The following TRPM3 variants were observed in gnomAD, a reference collection of about 807,000 sequenced individuals.
The protein encoded by TRPM3 is transient receptor potential cation channel subfamily M member 3, also known as long transient receptor potential channel 3.
A neutral mutation model predicts 181.2 loss-of-function variants in TRPM3; 77 were observed. The observed-to-expected ratio is 0.42, with a 90% CI of 0.35 to 0.51. The LOEUF is 0.51. Among genes scored for constraint, TRPM3 ranks in the 20% least tolerant of loss-of-function variants. The probability of loss-of-function intolerance (pLI) is 0.01; values close to 1 mark genes in which losing one functional copy is unlikely to be tolerated. For missense variants in TRPM3, 1,759 were observed against 2,196.7 expected (o/e 0.80, Z 3.98); for synonymous variants, 745 against 796.4 (o/e 0.94, Z 1.09).
chr9:71,017,089 T>G (rs1468392043), intron 1 of TRPM3, among the ~76,000 whole-genome samples: 1 of 152,126 alleles, frequency 6.6e-6, no homozygotes, highest in African/African-American at 2.4e-5. Flanking sequence ...TATTTTCACA[T>G]TTACTGCACA....
upstream of TRPM3, among the ~76,000 whole-genome samples, chr9:71,125,108 C>T (rs1380109791): frequency 6.6e-6 from 1 of 152,146 alleles, no homozygotes; most frequent in African/African-American, 2.4e-5. Context: ...CTTTCGTTTG[C>T]TTCAGTGTTT....
At chr9:71,253,670 C>T (rs984520330) in intron 1 of TRPM3, among the ~76,000 whole-genome samples, 1 of 152,040 alleles carries the variant, frequency 6.6e-6, no homozygotes, top group African/African-American at 2.4e-5. Context: ...AAAAATAGAA[C>T]TACCATATGA....
intron 22 of TRPM3, among the ~76,000 whole-genome samples, chr9:70,580,025 C>T (rs896086287): frequency 2.7e-4 from 41 of 152,134 alleles, no homozygotes; most frequent in African/African-American, 8.9e-4. Flanking sequence ...TTGAGAGGAG[C>T]GATTCACATA....
intron 1 of TRPM3, among the ~76,000 whole-genome samples, chr9:71,145,967 C>T (rs2075381352): frequency 6.6e-6 from 1 of 151,962 alleles, no homozygotes; most frequent in Admixed American, 6.6e-5. Context: ...CTAATAGCAT[C>T]GTTCTTTATG....
chr9:71,360,302 C>T (rs1309205699), intron 1 of TRPM3, among the ~76,000 whole-genome samples: 2 of 152,112 alleles, frequency 1.3e-5, no homozygotes, highest in Non-Finnish European at 2.9e-5. Flanking sequence ...CGAGTCTCTA[C>T]CATTTTGGTA....
intron 1 of TRPM3, among the ~76,000 whole-genome samples, chr9:71,050,993 C>T (rs1218242113): frequency 6.6e-6 from 1 of 152,184 alleles, no homozygotes; most frequent in African/African-American, 2.4e-5. Context: ...TCCTTCATCC[C>T]TAAACTTTAG....
chr9:70,939,300 G>A (rs1396520683), intron 1 of TRPM3, among the ~76,000 whole-genome samples: 8 of 152,204 alleles, frequency 5.3e-5, no homozygotes, highest in Admixed American at 5.2e-4. Context: ...GTGAGCAAGA[G>A]GTTCTACCCA....
At chr9:70,610,315 A>G (rs2061816576) in intron 19 of TRPM3, among the ~76,000 whole-genome samples, 1 of 152,224 alleles carries the variant, frequency 6.6e-6, no homozygotes, top group Non-Finnish European at 1.5e-5. Context: ...AGTATTTCGG[A>G]AAAGAACATC....
chr9:71,157,749 A>G (rs1414131692), intron 1 of TRPM3, among the ~76,000 whole-genome samples: 1 of 152,148 alleles, frequency 6.6e-6, no homozygotes, highest in Non-Finnish European at 1.5e-5. Flanking sequence ...TTAACTGACA[A>G]TATTTGACTA....
intron 9 of TRPM3, among the ~76,000 whole-genome samples, chr9:70,643,066 T>C (rs1391726430): frequency 6.6e-6 from 1 of 152,180 alleles, no homozygotes; most frequent in African/African-American, 2.4e-5. Context: ...TTATTAGTGT[T>C]TACAATGATG....
intron 1 of TRPM3, among the ~76,000 whole-genome samples, chr9:71,432,040 C>T (rs1488149981): frequency 6.6e-6 from 1 of 152,208 alleles, no homozygotes; most frequent in African/African-American, 2.4e-5. Context: ...CCCGATTATA[C>T]TCTATGTACA....
At chr9:70,753,665 AG>A (rs1358118937) in intron 8 of TRPM3, among the ~76,000 whole-genome samples, 1 of 152,180 alleles carries the variant, frequency 6.6e-6, no homozygotes, top group East Asian at 1.9e-4. Flanking sequence ...GTTTGATCTC[AG>A]GCTCGTGAAC....
At chr9:70,617,928 G>A (rs1240039781) in intron 17 of TRPM3, among the ~76,000 whole-genome samples, 1 of 152,060 alleles carries the variant, frequency 6.6e-6, no homozygotes, top group African/African-American at 2.4e-5. Flanking sequence ...TCACACCACT[G>A]CACTCCAGCC....
chr9:71,389,211 C>A (rs2132933837), intron 1 of TRPM3, among the ~76,000 whole-genome samples: 1 of 151,738 alleles, frequency 6.6e-6, no homozygotes, highest in African/African-American at 2.4e-5. Context: ...AAACAAATGG[C>A]AAACAAACAT....
At position 71,282,085 on chromosome 9, in the gene TRPM3, G is replaced by GAA. The variant is rs1458520529; in HGVS notation, c.183+164566_183+164567dup. Among the ~76,000 whole-genome samples the GAA allele has an allele frequency of 3.0e-3, 135 of 44,814 alleles. 25 individuals carry two copies. Among genetic ancestry groups the GAA allele is most frequent in the African/African-American group, 0.015 (132 of 8,560 alleles). The allele number at this position is 44,814 out of a possible 152,430, so 29.4% of individuals were successfully genotyped here. A position where few individuals can be genotyped will look rare whatever the true frequency, so the allele number is the denominator to read the frequency against. ...AGAGAAAGAAAGGAAAGAAAGGAAA[G>GAA]AAAGAGAGAAAGAAAGAAAAGAAAG... On this transcript the variant is annotated intron_variant, in intron 1 of 24. Transcript: ENST00000357533.
intron 1 of TRPM3, among the ~76,000 whole-genome samples, chr9:71,097,566 T>G (rs1249824210): frequency 6.6e-6 from 1 of 151,984 alleles, no homozygotes; most frequent in African/African-American, 2.4e-5. Context: ...TATTCCTCTC[T>G]CATTGGCACC....
At chr9:71,161,883 A>G (rs1257131692) in intron 1 of TRPM3, among the ~76,000 whole-genome samples, 2 of 152,118 alleles carry the variant, frequency 1.3e-5, no homozygotes, top group Non-Finnish European at 1.5e-5. Context: ...CAGATGCCAG[A>G]TAATCATTTA....
At chr9:71,288,934 G>A (rs1356484595) in intron 1 of TRPM3, among the ~76,000 whole-genome samples, 1 of 151,688 alleles carries the variant, frequency 6.6e-6, no homozygotes, top group Non-Finnish European at 1.5e-5. Context: ...AAATAGGGGG[G>A]AAAAAAAATT....
At chr9:71,240,761 T>C (rs1008700499) in intron 1 of TRPM3, among the ~76,000 whole-genome samples, 1 of 152,138 alleles carries the variant, frequency 6.6e-6, no homozygotes, top group Admixed American at 6.6e-5. Flanking sequence ...GATAACCATA[T>C]TCAGGGAGAA....
Sources: gnomAD v4.1 joint callset for allele counts (sites outside exome capture counted in the v4.1 genomes callset) on GRCh38, gnomAD v4.1.1 for gene constraint, MANE v1.5 for transcripts, NCBI Gene and HGNC (gene_info 2026-07-23, HGNC 2026-07-21) for gene names.